Variants in SHANK1 observed in about 807,000 individuals in gnomAD.
SHANK1 encodes SH3 and multiple ankyrin repeat domains 1.
SHANK1 carries 35 observed loss-of-function variants against 165.6 expected under a neutral mutation model. The observed-to-expected ratio is 0.21, with a 90% CI of 0.16 to 0.28. The LOEUF (loss-of-function observed/expected upper bound fraction) is 0.28. Ranked by LOEUF, SHANK1 falls within the 10% of genes least tolerant of loss-of-function variation. The pLI is 1.00. For synonymous variants in SHANK1, 1,428 were observed against 1,384.8 expected (o/e 1.03, Z -0.69); for missense variants, 2,681 against 3,036.4 (o/e 0.88, Z 2.75).
In SHANK1 at chr19:50,659,345, G is replaced by T. The variant is rs936434636; in HGVS notation, c.*2620C>A. 2.0e-5 allele frequency: 8 copies of T among 406,848 alleles called. No homozygotes were observed. Among genetic ancestry groups the T allele is most frequent in the African/African-American group, 1.2e-4 (6 of 48,256 alleles). The allele number at this position is 406,848 out of a possible 1,614,324, so 25.2% of individuals were successfully genotyped here. ...GCAAAATCTTGGTGGGGAGTCAGGG[G>T]AAGGGAGGTGATGGGGGGTAGGAAT... On this transcript the variant is annotated 3_prime_UTR_variant, in exon 24 of 24. Coordinates refer to ENST00000293441, the MANE Select transcript of SHANK1 (RefSeq NM_016148.5).
In SHANK1 at chr19:50,718,544, C is replaced by T. The variant is rs2089095074; in HGVS notation, c.-44+862G>A. On this transcript the variant is annotated intron_variant, in intron 1 of 23. Transcript: ENST00000293441. This position sits in a 1 kb window ranked among gnomAD's most constrained non-coding sequence, Gnocchi z 5.1. ...GCGGGAGGGAGCGGGCACGCTCCGC[C>T]GGGGCGGCATGAATCAAACGCTCCG... is the stretch of plus-strand genomic sequence containing the variant. 6.6e-6 allele frequency among the ~76,000 whole-genome samples: 1 copy of T among 152,156 alleles called. No homozygotes were observed. The highest frequency in any genetic ancestry group is 1.5e-5 in the Non-Finnish European group (1 of 68,016).
chr19:50,671,467 G>A, intron 22 of SHANK1, among the ~76,000 whole-genome samples: 1 of 148,084 alleles, frequency 6.8e-6, no homozygotes, highest in East Asian at 1.9e-4. Context: ...ACAGGCGTGA[G>A]CCGCTGCGCC....
Position 50,686,686 on chromosome 19 carries a change from G to T in SHANK1, c.2458+58C>A. The T allele has an allele frequency of 6.6e-7, 1 of 1,515,074 alleles. No individual in the cohort carries two copies. The highest frequency in any genetic ancestry group is 9.1e-7 in the Non-Finnish European group (1 of 1,093,834). 93.9% of individuals were successfully genotyped at this position (1,515,074 alleles called of 1,614,324 possible). On this transcript the variant is annotated intron_variant, in intron 20 of 23. Coordinates refer to ENST00000293441, the MANE Select transcript of SHANK1 (RefSeq NM_016148.5). This position sits in a 1 kb window ranked among gnomAD's most constrained non-coding sequence, Gnocchi z 5.7. ...GTGGGGTTCATGGTGGGACAGGGAT[G>T]CAGCGGGTGCCGGGGCTGGGGCCCG... is the stretch of plus-strand genomic sequence containing the variant.
At position 50,665,737 on chromosome 19, in the gene SHANK1, T is replaced by TAAAAAAAAAAAAAAAAAAAAAAAAAA. The variant is rs71182756; in HGVS notation, c.5768+454_5768+455insTTTTTTTTTTTTTTTTTTTTTTTTTT. Among the ~76,000 whole-genome samples the TAAAAAAAAAAAAAAAAAAAAAAAAAA allele has an allele frequency of 1.6e-3, 160 of 98,090 alleles. 9 individuals are homozygous for TAAAAAAAAAAAAAAAAAAAAAAAAAA. Among genetic ancestry groups the TAAAAAAAAAAAAAAAAAAAAAAAAAA allele is most frequent in the Middle Eastern group, 6.1e-3 (1 of 164 alleles). 64.4% of individuals were successfully genotyped at this position (98,090 alleles called of 152,430 possible). A position where few individuals can be genotyped will look rare whatever the true frequency, so the allele number is the denominator to read the frequency against. On this transcript the variant is annotated intron_variant, in intron 23 of 23. Coordinates refer to ENST00000293441, the MANE Select transcript of SHANK1 (RefSeq NM_016148.5). ...GGGTGACAGAGTGAGACCCTGTTTC[T>TAAAAAAAAAAAAAAAAAAAAAAAAAA]AAAAAAAAAAAAAAAGCCAGGCATG...
In SHANK1 at chr19:50,662,529, G is replaced by T; in HGVS notation, c.5922C>A (p.Ser1974=). 6.4e-7 allele frequency: 1 copy of T among 1,559,376 alleles called. No individual in the cohort carries two copies. ...AAPGATSPSA[S]SSSTSTRHLQ... is the part of the protein sequence containing the mutation. Reference sequence around the variant, plus strand: ...GGTGGCGGGTGGACGTGGAGGAGGAGGAGGCTGAGGGTGAGGTGGCCCCTG... The same window carrying T: ...GGTGGCGGGTGGACGTGGAGGAGGATGAGGCTGAGGGTGAGGTGGCCCCTG... The change falls in exon 24 of 24, where the codon TCC becomes TCA. Residue 1974 remains serine (S), a synonymous_variant. Coordinates refer to ENST00000293441, the MANE Select transcript of SHANK1 (RefSeq NM_016148.5). This position sits in a 1 kb window ranked among gnomAD's most constrained non-coding sequence, Gnocchi z 7.7.
At position 50,666,843 on chromosome 19, in the gene SHANK1, C is replaced by T; in HGVS notation, c.5117G>A (p.Gly1706Asp). Residue 1706 changes from glycine to aspartate, a missense_variant, in exon 23 of 24, where the codon GGC (glycine) becomes GAC (aspartate). Gly to Asp is a moderately conservative substitution (Grantham distance 94, BLOSUM62 -1). This residue lies in a region of SHANK1 where 1,713 missense variants were observed against 1,630.2 expected (regional missense o/e 1.05). Coordinates refer to ENST00000293441, the MANE Select transcript of SHANK1 (RefSeq NM_016148.5). ...TLSSLSAEGG[G>D]SAGGGGGAGA... ...AGCCCCGCCCCCACCCCCTGCGCTG[C>T]CACCACCTTCGGCAGATAGGCTGCT... 2 of 1,556,026 alleles carry T rather than the reference C, an allele frequency of 1.3e-6. No individual in the cohort carries two copies. The highest frequency in any genetic ancestry group is 1.7e-6 in the Non-Finnish European group (2 of 1,150,920).
In SHANK1 at chr19:50,661,203, C is replaced by T. The variant is rs59500446; in HGVS notation, c.*762G>A. On this transcript the variant is annotated 3_prime_UTR_variant, in exon 24 of 24. Coordinates refer to ENST00000293441, the MANE Select transcript of SHANK1 (RefSeq NM_016148.5). The stretch of plus-strand genomic sequence containing the variant: ...GTCTGCAACAAGGGTCCAGAGCGAG[C>T]GGGGAGGAGGAGATGTGAAATGGAG... Among the ~76,000 whole-genome samples, 243 of 151,538 alleles carry T rather than the reference C, an allele frequency of 1.6e-3. 8 individuals are homozygous for T. The East Asian group carries it at 0.04, about 25-fold the overall frequency.
Position 50,702,638 on chromosome 19 carries a change from C to G in SHANK1, c.1576G>C (p.Gly526Arg). ...RPSSSGTPRE[G>R]PAGGTGGSGG... ...GAGCCCCCCGTGCCCCCGGCTGGCCCTTCCCGGGGTGTCCCGCTGGAGCTG... is the reference window on the plus strand; with the variant it reads ...GAGCCCCCCGTGCCCCCGGCTGGCCGTTCCCGGGGTGTCCCGCTGGAGCTG... The change falls in exon 12 of 24, where the codon GGG (glycine) becomes CGG (arginine). Residue 526 changes from glycine (G) to arginine (R), a missense_variant. Transcript: ENST00000293441. The surrounding 1 kb of genome is among the most constrained non-coding windows in gnomAD (Gnocchi z 5.3). 1 of 1,577,778 alleles carries G rather than the reference C, an allele frequency of 6.3e-7. No homozygotes were observed. The highest frequency in any genetic ancestry group is 1.1e-5 in the South Asian group (1 of 87,550).
rs1985572220 is a variant in SHANK1, at chr19:50,667,365, G to T, written c.4595C>A (p.Thr1532Asn). ...GTTCTCTTCGCTGGCCCTCGGGGAG[G>T]TCGGGGAGGGGGGCACGGACCGGCG... Reference protein sequence around the residue: ...SPRRSVPPSPTSPRASEENGL... With the variant: ...SPRRSVPPSPNSPRASEENGL... The change falls in exon 23 of 24, where the codon ACC becomes AAC. Residue 1532 changes from threonine (T) to asparagine (N), a missense_variant. This residue lies in a region of SHANK1 where 1,713 missense variants were observed against 1,630.2 expected (regional missense o/e 1.05). Coordinates refer to ENST00000293441, the MANE Select transcript of SHANK1 (RefSeq NM_016148.5). The surrounding 1 kb of genome is among the most constrained non-coding windows in gnomAD (Gnocchi z 5.7). The T allele has an allele frequency of 6.5e-7, 1 of 1,539,622 alleles. No individual in the cohort carries two copies. The highest frequency in any genetic ancestry group is 8.7e-7 in the Non-Finnish European group (1 of 1,147,442).
Position 50,711,410 on chromosome 19 carries a change from C to G in SHANK1, c.1038G>C (p.Ser346=), listed in dbSNP as rs747451415. The G allele has an allele frequency of 1.3e-6, 2 of 1,559,932 alleles. No homozygotes were observed. Among genetic ancestry groups the G allele is most frequent in the Non-Finnish European group, 1.7e-6 (2 of 1,151,914 alleles). Residue 346 remains serine, a synonymous_variant, in exon 8 of 24, where the codon TCG becomes TCC. Transcript: ENST00000293441. ...YGAEPGAQNA[S]GNTALHICAL... is the part of the protein sequence containing the mutation. ...CGCAGATGTGCAGAGCCGTGTTCCCCGAGGCGTTCTGGGCTCCAGGCTCAG... is the reference window on the plus strand; with the variant it reads ...CGCAGATGTGCAGAGCCGTGTTCCCGGAGGCGTTCTGGGCTCCAGGCTCAG...
Position 50,716,913 on chromosome 19 carries a change from G to T in SHANK1, c.7C>A (p.His3Asn). The change falls in exon 2 of 24, where the codon CAC becomes AAC. Residue 3 changes from histidine to asparagine, a missense_variant. By Grantham distance (68) the His-to-Asn change is moderately conservative (BLOSUM62 1). Around this residue, in one of 10 missense-constraint regions of SHANK1, gnomAD observed 118 missense variants for 106.9 expected, o/e 1.10. Transcript: ENST00000293441. The surrounding 1 kb of genome is among the most constrained non-coding windows in gnomAD (Gnocchi z 8.4). ...TCGTCCTCGCTTGTCGCGGGGCTGT[G>T]GGTCATTGTGGGGCCACGGGGCGAC... MT[H>N]SPATSEDEER... 7.0e-7 allele frequency: 1 copy of T among 1,438,354 alleles called. No individual in the cohort carries two copies. The allele number at this position is 1,438,354 out of a possible 1,614,324, so 89.1% of individuals were successfully genotyped here.
In SHANK1 at chr19:50,662,461, C is replaced by G; in HGVS notation, c.5990G>C (p.Arg1997Pro). 6.5e-7 allele frequency: 1 copy of G among 1,549,042 alleles called. No individual in the cohort carries two copies. Among genetic ancestry groups the G allele is most frequent in the Non-Finnish European group, 8.7e-7 (1 of 1,147,428 alleles). Residue 1997 changes from arginine to proline, a missense_variant, in exon 24 of 24, where the codon CGG becomes CCG. By Grantham distance (103) the Arg-to-Pro change is moderately radical. Transcript: ENST00000293441. The surrounding 1 kb of genome is among the most constrained non-coding windows in gnomAD (Gnocchi z 7.7). ...GGGCAGCAGCGAGGGGCTGGGGGCC[C>G]GGCGGAGCAGAGGGGGCCGCATCTC... ...EFEMRPPLLR[R>P]APSPSLLPAS...
intron 21 of SHANK1, 32 bp from the exon 22 acceptor site, chr19:50,672,146 GA>G: frequency 6.5e-7 from 1 of 1,541,920 alleles, no homozygotes; most frequent in Non-Finnish European, 8.9e-7. Flanking sequence ...GGGAGAGAGA[GA>G]AAAGATAGAG....
chr19:50,695,568 T>C (rs568465902), intron 15 of SHANK1, among the ~76,000 whole-genome samples: 1 of 149,054 alleles, frequency 6.7e-6, no homozygotes, highest in Non-Finnish European at 1.5e-5. Flanking sequence ...GGTGCAGAGC[T>C]AGAGAGCGCG....
At chr19:50,706,462 G>C (rs1176138767) in intron 8 of SHANK1, among the ~76,000 whole-genome samples, 1 of 151,950 alleles carries the variant, frequency 6.6e-6, no homozygotes, top group Non-Finnish European at 1.5e-5. Context: ...GGTTAGCTGA[G>C]CTAACCTGAG....
rs767950625 is a variant in SHANK1, at chr19:50,716,770, G to A, written c.150C>T (p.Ser50=). The change falls in exon 2 of 24, where the codon AGC becomes AGT. Residue 50 remains serine, a synonymous_variant. Transcript: ENST00000293441. This position sits in a 1 kb window ranked among gnomAD's most constrained non-coding sequence, Gnocchi z 8.4. ...TRGQGSGAPG[S]LASVRGLQGR... ...CCTGGAGGCCTCTAACAGAGGCCAG[G>A]CTACCAGGTGCCCCACTGCCCTGGC... 2 of 1,607,874 alleles carry A rather than the reference G, an allele frequency of 1.2e-6. No homozygotes were observed. The highest frequency in any genetic ancestry group is 1.1e-5 in the South Asian group (1 of 90,596).
rs955524957 is a variant in SHANK1 at position 50,688,710 on chromosome 19, G to C, written c.2172+134C>G. ...TCGCTGGGGAAAGCAGAGGCTGGCT[G>C]GGGGGTGGGCAGGGGGCTGGGAATC... On this transcript the variant is annotated intron_variant, in intron 17 of 23. Transcript: ENST00000293441. This position sits in a 1 kb window ranked among gnomAD's most constrained non-coding sequence, Gnocchi z 6.7. 3.9e-6 allele frequency: 3 copies of C among 762,498 alleles called. No individual in the cohort carries two copies. Among genetic ancestry groups the C allele is most frequent in the Admixed American group, 2.8e-5 (1 of 35,508 alleles). 47.2% of individuals were successfully genotyped at this position (762,498 alleles called of 1,614,324 possible). A position where few individuals can be genotyped will look rare whatever the true frequency, so the allele number is the denominator to read the frequency against.
Position 50,672,101 on chromosome 19 carries a change from G to T in SHANK1, c.2591C>A (p.Pro864His). The change falls in exon 22 of 24, where the codon CCC becomes CAC. Residue 864 changes from proline (P) to histidine (H), a missense_variant. This residue lies in a region of SHANK1 where 206 missense variants were observed against 216.0 expected (regional missense o/e 0.95). Coordinates refer to ENST00000293441, the MANE Select transcript of SHANK1 (RefSeq NM_016148.5). The stretch of plus-strand genomic sequence containing the variant: ...GTAACTTGGCTGGGCACGGTGGTGG[G>T]GATCGAAGCTCGACTTTGGAGCGGC... ...GFFATESSFD[P>H]HHRAQPSYER... 1.2e-6 allele frequency: 2 copies of T among 1,613,654 alleles called. No individual in the cohort carries two copies.
chr19:50,668,317 G>C lies in SHANK1; in HGVS notation c.3643C>G (p.Pro1215Ala), dbSNP rs1985642287. The stretch of plus-strand genomic sequence containing the variant: ...GGGCCGCTGGGCGAGGCGGGGGTGG[G>C]CACGGGCGAGGGGGACGGGGGCACG... The part of the protein sequence containing the change: ...SPVPPSPSPV[P>A]TPASPSGPAT... Residue 1215 changes from proline (P) to alanine (A), a missense_variant, in exon 23 of 24, where the codon CCC becomes GCC. Physicochemically the swap from Pro to Ala is conservative, Grantham distance 27. Coordinates refer to ENST00000293441, the MANE Select transcript of SHANK1 (RefSeq NM_016148.5). 5 of 1,276,476 alleles carry C rather than the reference G, an allele frequency of 3.9e-6. No individual in the cohort carries two copies. Among genetic ancestry groups the C allele is most frequent in the Non-Finnish European group, 4.9e-6 (5 of 1,013,476 alleles). 79.1% of individuals were successfully genotyped at this position (1,276,476 alleles called of 1,614,324 possible). A position where few individuals can be genotyped will look rare whatever the true frequency, so the allele number is the denominator to read the frequency against.
Sources: allele counts gnomAD v4.1 joint callset (sites outside exome capture counted in the v4.1 genomes callset), GRCh38; gene constraint gnomAD v4.1.1; regional missense constraint gnomAD v4.1.1; non-coding constraint Gnocchi (gnomAD v3.1); transcripts MANE v1.5; gene names NCBI Gene and HGNC (gene_info 2026-07-23, HGNC 2026-07-21).